Variants in UBE4A observed in about 807,000 individuals in gnomAD.
UBE4A encodes ubiquitination factor E4A.
A neutral mutation model predicts 117.9 loss-of-function variants in UBE4A; 48 were observed. The observed-to-expected ratio is 0.41, with a 90% CI of 0.32 to 0.52. The LOEUF is 0.52. Ranked by LOEUF, UBE4A falls within the 20% of genes least tolerant of loss-of-function variation. UBE4A has a pLI of 0.33. For synonymous variants in UBE4A, 407 were observed against 450.0 expected (o/e 0.90, Z 1.21); for missense variants, 1,067 against 1,296.3 (o/e 0.82, Z 2.72).
At chr11:118,366,200 C>T (rs1440446458) in intron 2 of UBE4A, among the ~76,000 whole-genome samples, 1 of 151,684 alleles carries the variant, frequency 6.6e-6, no homozygotes, top group Non-Finnish European at 1.5e-5. Context: ...TTTTTTTTAA[C>T]ATGGTATTTT....
chr11:118,383,117 C>T (rs1353298723), intron 13 of UBE4A, among the ~76,000 whole-genome samples: 2 of 152,158 alleles, frequency 1.3e-5, no homozygotes, highest in Non-Finnish European at 2.9e-5. Flanking sequence ...AAGAAATCTA[C>T]ATATTCAACA....
intron 7 of UBE4A, 61 bp from the exon 8 acceptor site, chr11:118,373,433 C>T: frequency 1.3e-6 from 2 of 1,557,312 alleles, no homozygotes; most frequent in South Asian, 1.2e-5. Flanking sequence ...TTGAGGCCCT[C>T]CCACCCCATC....
rs1471846197 is a variant in UBE4A, at chr11:118,390,440, TATA to T, written c.2769-212_2769-210del. Among the ~76,000 whole-genome samples the T allele has an allele frequency of 8.9e-5, 13 of 145,730 alleles. No individual in the cohort carries two copies. The East Asian group carries it at 2.0e-3, about 22-fold the overall frequency. On this transcript the variant is annotated intron_variant, in intron 17 of 19. Transcript: ENST00000252108. Reference sequence around the variant, plus strand: ...TTTATATAATATAATTTTATATAATTATAATAAAATATATATTATATTTTATTA... The same window carrying T: ...TTTATATAATATAATTTTATATAATTATAAAATATATATTATATTTTATTA...
Position 118,373,575 on chromosome 11 carries a change from A to G in UBE4A, c.1006A>G (p.Ile336Val). 10 of 1,614,234 alleles carry G rather than the reference A, an allele frequency of 6.2e-6. No individual in the cohort carries two copies. Among genetic ancestry groups the G allele is most frequent in the South Asian group, 3.3e-5 (3 of 91,090 alleles). ...GACCTTGCTGGGAGTAATTCTGAGT[A>G]TCTCCTGCTTATTAAAGACTCCGGG... ...QKTLLGVILSISCLLKTPGVV... is the reference protein window; with the variant it reads ...QKTLLGVILSVSCLLKTPGVV... The change falls in exon 8 of 20, where the codon ATC (isoleucine) becomes GTC (valine). Residue 336 changes from isoleucine to valine, a missense_variant. By Grantham distance (29) the Ile-to-Val change is conservative. Around this residue, in one of 3 missense-constraint regions of UBE4A, gnomAD observed 1,001 missense variants for 1,184.0 expected, o/e 0.85. Coordinates refer to ENST00000252108, the MANE Select transcript of UBE4A (RefSeq NM_001204077.2).
chr11:118,369,697 A>C (rs1376415051), intron 4 of UBE4A, among the ~76,000 whole-genome samples, 162 bp downstream of exon 4: 1 of 142,720 alleles, frequency 7.0e-6, no homozygotes, highest in African/African-American at 2.7e-5. Context: ...CTGGATGTGC[A>C]TCTCTAACAT....
In UBE4A at chr11:118,372,589, T is replaced by C; in HGVS notation, c.644T>C (p.Leu215Pro). ...LTVSNTRTVL[L>P]TPEIYVDQNI... ...GTGTCCAATACCCGAACAGTTCTTC[T>C]CACCCCAGAGATCTATGTTGACCAA... Residue 215 changes from leucine to proline, a missense_variant, in exon 6 of 20, where the codon CTC becomes CCC. Coordinates refer to ENST00000252108, the MANE Select transcript of UBE4A (RefSeq NM_001204077.2). The C allele has an allele frequency of 6.2e-7, 1 of 1,614,182 alleles. No homozygotes were observed. Among genetic ancestry groups the C allele is most frequent in the Non-Finnish European group, 8.5e-7 (1 of 1,180,034 alleles).
intron 1 of UBE4A, among the ~76,000 whole-genome samples, chr11:118,360,814 G>C (rs1178912935): frequency 2.0e-5 from 3 of 152,114 alleles, no homozygotes; most frequent in Non-Finnish European, 4.4e-5. Context: ...TGCAGCAAGT[G>C]TATCAGAGTG....
At chr11:118,371,767 C>A in intron 5 of UBE4A, 101 bp downstream of exon 5, 1 of 1,270,634 alleles carries the variant, frequency 7.9e-7, no homozygotes, top group Non-Finnish European at 1.1e-6. Flanking sequence ...TTATATATGT[C>A]ATAGTATGTC....
Position 118,392,837 on chromosome 11 carries a change from G to A in UBE4A, c.3016G>A (p.Val1006Met), listed in dbSNP as rs908160402. The A allele has an allele frequency of 6.2e-7, 1 of 1,614,074 alleles. No individual in the cohort carries two copies. ...GAGCACACTGATGTGTGACCCTGTG[G>A]TGCTGCCATCTTCCAGAGTCACTGT... ...IMSTLMCDPV[V>M]LPSSRVTVDR... The change falls in exon 19 of 20, where the codon GTG (valine) becomes ATG (methionine). Residue 1006 changes from valine (V) to methionine (M), a missense_variant. Transcript: ENST00000252108.
chr11:118,366,147 C>T (rs1333925294), intron 2 of UBE4A, among the ~76,000 whole-genome samples: 2 of 150,310 alleles, frequency 1.3e-5, no homozygotes, highest in African/African-American at 4.9e-5. Flanking sequence ...AAAGGCAAGA[C>T]AGATAAGTGA....
At chr11:118,370,793 G>T (rs973558969) in intron 4 of UBE4A, among the ~76,000 whole-genome samples, 2 of 152,270 alleles carry the variant, frequency 1.3e-5, no homozygotes, top group East Asian at 3.9e-4. Context: ...CCATGAGGAC[G>T]CATGCAAGGA....
At chr11:118,371,054 C>T (rs1451583559) in intron 4 of UBE4A, among the ~76,000 whole-genome samples, 2 of 152,192 alleles carry the variant, frequency 1.3e-5, no homozygotes, top group Non-Finnish European at 2.9e-5. Flanking sequence ...AACCACAGCA[C>T]TTTAAAAATC....
chr11:118,366,822 T>C (rs945242714), intron 2 of UBE4A, among the ~76,000 whole-genome samples: 1 of 152,166 alleles, frequency 6.6e-6, no homozygotes, highest in Non-Finnish European at 1.5e-5. Flanking sequence ...TAATCCCAGC[T>C]CCTTGGGAGG....
rs149101035 is a variant in UBE4A at position 118,379,419 on chromosome 11, C to G, written c.1572-27C>G. On this transcript the variant is annotated intron_variant, in intron 10 of 19. Coordinates refer to ENST00000252108, the MANE Select transcript of UBE4A (RefSeq NM_001204077.2). The stretch of plus-strand genomic sequence containing the variant: ...TTGTGACTTTCTGTTTTCCCTGACC[C>G]AGTCTCTTCTGCTTTCTTGGGGGCA... 193 of 1,600,266 alleles carry G rather than the reference C, an allele frequency of 1.2e-4. No individual in the cohort carries two copies. The African/African-American group carries it at 2.2e-3, about 19-fold the overall frequency.
intron 3 of UBE4A, among the ~76,000 whole-genome samples, chr11:118,369,099 C>T (rs1948587957): frequency 6.6e-6 from 1 of 152,148 alleles, no homozygotes; most frequent in South Asian, 2.1e-4. Flanking sequence ...TCAGAGGTAA[C>T]CTAAATATTC....
chr11:118,376,739 G>A (rs374848601), intron 10 of UBE4A, 45 bp downstream of exon 10: 65 of 1,600,018 alleles, frequency 4.1e-5, no homozygotes, highest in Admixed American at 5.1e-5. Context: ...TAGTTGTGTT[G>A]ATAACTAGAA....
At chr11:118,366,866 C>G (rs984117236) in intron 2 of UBE4A, among the ~76,000 whole-genome samples, 1 of 151,590 alleles carries the variant, frequency 6.6e-6, no homozygotes, top group Non-Finnish European at 1.5e-5. Flanking sequence ...GTCAGGAGTT[C>G]GAGACCAGCC....
chr11:118,361,138 C>T (rs1565527425), intron 1 of UBE4A, among the ~76,000 whole-genome samples: 1 of 151,744 alleles, frequency 6.6e-6, no homozygotes, highest in Non-Finnish European at 1.5e-5. Context: ...CTGCCTCAGC[C>T]TCCCAAGTAG....
chr11:118,396,536 C>CTTTTAT lies in UBE4A; in HGVS notation c.*100_*101insATTTTT. Reference sequence around the variant, plus strand: ...TCTGGTTCTGTTCCTTTTCTTTCTTCTTTTCTTTTTCTTTTTTTTTTTTTT... The same window carrying CTTTTAT: ...TCTGGTTCTGTTCCTTTTCTTTCTTCTTTTATTTTTCTTTTTCTTTTTTTTTTTTTT... On this transcript the variant is annotated 3_prime_UTR_variant, in exon 20 of 20. Transcript: ENST00000252108. 9.5e-7 allele frequency: 1 copy of CTTTTAT among 1,055,122 alleles called. No homozygotes were observed. The highest frequency in any genetic ancestry group is 1.3e-6 in the Non-Finnish European group (1 of 776,440). 65.4% of individuals were successfully genotyped at this position (1,055,122 alleles called of 1,614,324 possible). A position where few individuals can be genotyped will look rare whatever the true frequency, so the allele number is the denominator to read the frequency against.
Sources: allele counts gnomAD v4.1 joint callset (sites outside exome capture counted in the v4.1 genomes callset), GRCh38; gene constraint gnomAD v4.1.1; regional missense constraint gnomAD v4.1.1; transcripts MANE v1.5; gene names NCBI Gene and HGNC (gene_info 2026-07-23, HGNC 2026-07-21).